VPS37C: variants seen among roughly 807,000 people sequenced by gnomAD.
The protein encoded by VPS37C is vacuolar protein sorting-associated protein 37C.
Under a neutral mutation model 16.1 loss-of-function variants are expected in VPS37C, and 9 were observed. That is an observed-to-expected ratio of 0.56 (90% CI 0.34 to 0.97). The LOEUF (loss-of-function observed/expected upper bound fraction) is 0.97. Ranked by LOEUF, VPS37C falls within the 50% of genes least tolerant of loss-of-function variation. The probability of loss-of-function intolerance (pLI) is 0.02; values close to 1 mark genes in which losing one functional copy is unlikely to be tolerated. For synonymous variants in VPS37C, 207 were observed against 206.4 expected, an observed-to-expected ratio of 1.00 and a Z score of -0.02; for missense variants, 479 against 472.7, an observed-to-expected ratio of 1.01 and a Z score of -0.12.
At chr11:61,138,586 G>A in intron 2 of VPS37C, 151 bp downstream of exon 2, 1 of 685,302 alleles carries the variant, frequency 1.5e-6, no homozygotes, top group Non-Finnish European at 2.5e-6. Flanking sequence ...TGAAGCCTCA[G>A]GGATTCCTCT....
At position 61,155,619 on chromosome 11, in the gene VPS37C, T is replaced by C. The variant is rs534521013; in HGVS notation, c.-7+5772A>G. Among the ~76,000 whole-genome samples the C allele has an allele frequency of 3.9e-5, 6 of 152,036 alleles. No individual in the cohort carries two copies. The South Asian group carries it at 1.2e-3, about 32-fold the overall frequency. On this transcript the variant is annotated intron_variant, in intron 1 of 4. Transcript: ENST00000301765. ...AAAAAAAATAGTTAATCCAGAATTC[T>C]ATACAGGGAAAATGCCTTCCAAAAA...
chr11:61,143,180 C>T (rs1441740362), intron 1 of VPS37C, among the ~76,000 whole-genome samples: 3 of 151,510 alleles, frequency 2.0e-5, no homozygotes, highest in Non-Finnish European at 2.9e-5. Context: ...AGACAGTGGG[C>T]GTCAATATCA....
intron 1 of VPS37C, among the ~76,000 whole-genome samples, chr11:61,146,472 A>C (rs1445462351): frequency 6.6e-6 from 1 of 152,242 alleles, no homozygotes; most frequent in Non-Finnish European, 1.5e-5. Context: ...AGGAGGAGAG[A>C]TGGGCCGCTC....
intron 1 of VPS37C, among the ~76,000 whole-genome samples, chr11:61,159,515 C>A (rs937423015): frequency 7.2e-5 from 11 of 152,216 alleles, no homozygotes; most frequent in African/African-American, 2.6e-4. Flanking sequence ...TCACTTGTGG[C>A]CAGACGCAGT....
chr11:61,138,857 A>G, intron 1 of VPS37C, 22 bp from the exon 2 acceptor site: 1 of 1,609,904 alleles, frequency 6.2e-7, no homozygotes, highest in Non-Finnish European at 8.5e-7. Context: ...GTGACACCAA[A>G]GTAACGAACA....
chr11:61,142,409 T>G (rs1054117911), intron 1 of VPS37C, among the ~76,000 whole-genome samples: 2 of 152,050 alleles, frequency 1.3e-5, no homozygotes, highest in African/African-American at 4.8e-5. Flanking sequence ...TTTTTTCAAA[T>G]GTTTTGTAAA....
At position 61,130,306 on chromosome 11, in the gene VPS37C, C is replaced by G. The variant is rs571771681; in HGVS notation, c.*1514G>C. 6.5e-6 allele frequency: 1 copy of G among 152,774 alleles called. No homozygotes were observed. The highest frequency in any genetic ancestry group is 1.5e-5 in the Non-Finnish European group (1 of 68,454). 9.5% of individuals were successfully genotyped at this position (152,774 alleles called of 1,614,324 possible). ...GCAATTAATTACACAAACATACAGG[C>G]GGTCGGTCATCCAGCTCAGAAGCAC... On this transcript the variant is annotated 3_prime_UTR_variant, in exon 5 of 5. Coordinates refer to ENST00000301765, the MANE Select transcript of VPS37C (RefSeq NM_017966.5).
chr11:61,153,182 C>A (rs1367630818), intron 1 of VPS37C, among the ~76,000 whole-genome samples: 2 of 152,172 alleles, frequency 1.3e-5, no homozygotes, highest in African/African-American at 4.8e-5. Context: ...GAGGGAGGGA[C>A]CTAGTGGGAG....
intron 2 of VPS37C, among the ~76,000 whole-genome samples, chr11:61,137,484 T>C (rs143135276): frequency 5.3e-5 from 8 of 152,358 alleles, no homozygotes; most frequent in Admixed American, 3.3e-4. Context: ...TCTGTCAGCC[T>C]GCTCAGCTCT....
chr11:61,157,424 C>T (rs60905595), intron 1 of VPS37C, among the ~76,000 whole-genome samples: 113,470 of 151,674 alleles, frequency 0.75, 43,881 homozygotes, highest in East Asian at 1. Context: ...TGTTTTTTTT[C>T]AATAGCCATC....
At chr11:61,160,232 G>C (rs1255832476) in intron 1 of VPS37C, among the ~76,000 whole-genome samples, 1 of 152,136 alleles carries the variant, frequency 6.6e-6, no homozygotes, top group African/African-American at 2.4e-5. Flanking sequence ...GGCTTTTCTG[G>C]GCACTATGAC....
intron 1 of VPS37C, chr11:61,144,346 T>A (rs924616836): frequency 6.6e-6 from 1 of 152,194 alleles, no homozygotes; most frequent in African/African-American, 2.4e-5. Context: ...TTATCTTATT[T>A]TCCCCTTTCC....
chr11:61,157,150 T>C (rs905330447), intron 1 of VPS37C, among the ~76,000 whole-genome samples: 15 of 152,398 alleles, frequency 9.8e-5, no homozygotes, highest in East Asian at 5.8e-4. Context: ...CCATGGACGC[T>C]TGAATGGCTC....
intron 2 of VPS37C, 51 bp downstream of exon 2, chr11:61,138,686 A>T: frequency 6.4e-7 from 1 of 1,572,494 alleles, no homozygotes; most frequent in Non-Finnish European, 8.7e-7. Context: ...GCGCCTCTTA[A>T]CAAGCCTCAT....
intron 1 of VPS37C, among the ~76,000 whole-genome samples, chr11:61,157,630 A>C (rs556414970): frequency 6.6e-6 from 1 of 152,316 alleles, no homozygotes; most frequent in African/African-American, 2.4e-5. Context: ...ATACTCTGGA[A>C]ATCAATTCCT....
intron 1 of VPS37C, among the ~76,000 whole-genome samples, chr11:61,142,279 T>A (rs1235468203): frequency 1.3e-5 from 2 of 152,244 alleles, no homozygotes; most frequent in Non-Finnish European, 2.9e-5. Context: ...TCGCTCAGGC[T>A]AGAGTGCAAT....
At chr11:61,141,129 A>G (rs1861465915) in intron 1 of VPS37C, among the ~76,000 whole-genome samples, 1 of 152,158 alleles carries the variant, frequency 6.6e-6, no homozygotes, top group Non-Finnish European at 1.5e-5. Flanking sequence ...AGCACTTTGG[A>G]AGGCCAAGGT....
At chr11:61,132,749 C>T (rs1861294934) in intron 4 of VPS37C, 1 of 716,462 alleles carries the variant, frequency 1.4e-6, no homozygotes, top group Admixed American at 3.1e-5. Flanking sequence ...AAGGCGAGGA[C>T]TGTCTCTGTC....
At chr11:61,136,128 T>TG (rs1211057046) in intron 2 of VPS37C, among the ~76,000 whole-genome samples, 2 of 151,444 alleles carry the variant, frequency 1.3e-5, no homozygotes, top group African/African-American at 4.9e-5. Flanking sequence ...CTCAAGGTGA[T>TG]GGAGACCCTA....
Sources: allele counts gnomAD v4.1 joint callset (sites outside exome capture counted in the v4.1 genomes callset), GRCh38; gene constraint gnomAD v4.1.1; transcripts MANE v1.5; gene names NCBI Gene and HGNC (gene_info 2026-07-23, HGNC 2026-07-21).